The following EEA1 variants were observed in gnomAD, a reference collection of about 807,000 sequenced individuals.
EEA1 encodes the protein early endosome antigen 1, 162kD.
A neutral mutation model predicts 209.2 loss-of-function variants in EEA1; 111 were observed. The ratio of observed to expected loss-of-function variants is 0.53; its 90% CI spans 0.45 to 0.62. The LOEUF (loss-of-function observed/expected upper bound fraction) is 0.62. Ranked by LOEUF, EEA1 falls within the 20% of genes least tolerant of loss-of-function variation. EEA1 has a pLI of 0.00. For synonymous variants in EEA1, 536 were observed against 540.6 expected, an observed-to-expected ratio of 0.99 and a Z score of 0.12; for missense variants, 1,343 against 1,530.8, an observed-to-expected ratio of 0.88 and a Z score of 2.05.
intron 9 of EEA1, among the ~76,000 whole-genome samples, chr12:92,843,465 A>T (rs1191751823): frequency 3.3e-5 from 5 of 152,192 alleles, no homozygotes; most frequent in African/African-American, 7.2e-5. Flanking sequence ...TTAATATTTT[A>T]AAAAATGTGA....
intron 2 of EEA1, among the ~76,000 whole-genome samples, chr12:92,865,306 T>C (rs766570044): frequency 2.1e-4 from 32 of 151,996 alleles, no homozygotes; most frequent in Non-Finnish European, 4.4e-4. Flanking sequence ...TTTGCCATCA[T>C]ATCCTTCCTT....
At chr12:92,824,055 C>T (rs1876182863) in intron 13 of EEA1, among the ~76,000 whole-genome samples, 1 of 152,176 alleles carries the variant, frequency 6.6e-6, no homozygotes, top group African/African-American at 2.4e-5. Flanking sequence ...CTTCTTTATG[C>T]AAATCACCCT....
chr12:92,841,823 T>A (rs1394798043), intron 10 of EEA1, among the ~76,000 whole-genome samples: 1 of 152,154 alleles, frequency 6.6e-6, no homozygotes, highest in Non-Finnish European at 1.5e-5. Flanking sequence ...GTATGGCAGT[T>A]CCTCAAATAA....
rs35323066 is a variant in EEA1, at chr12:92,902,740, T to TAAA, written c.25-11022_25-11020dup. On this transcript the variant is annotated intron_variant, in intron 1 of 28. Coordinates refer to ENST00000322349, the MANE Select transcript of EEA1 (RefSeq NM_003566.4). ...TGGGCAACAGGGCGAAATTCTGTCTTAAAAAAAAAAAAAAAAAAGGCTGTA... is the reference window on the plus strand; with the variant it reads ...TGGGCAACAGGGCGAAATTCTGTCTTAAAAAAAAAAAAAAAAAAAAAGGCTGTA... Among the ~76,000 whole-genome samples the TAAA allele has an allele frequency of 1.5e-3, 191 of 125,078 alleles. 1 individual carries two copies. The highest frequency in any genetic ancestry group is 2.4e-3 in the Non-Finnish European group (143 of 60,696). The allele number at this position is 125,078 out of a possible 152,430, so 82.1% of individuals were successfully genotyped here. A position where few individuals can be genotyped will look rare whatever the true frequency, so the allele number is the denominator to read the frequency against.
intron 1 of EEA1, among the ~76,000 whole-genome samples, chr12:92,904,149 C>T (rs1454009407): frequency 1.3e-5 from 2 of 152,002 alleles, no homozygotes; most frequent in East Asian, 1.9e-4. Context: ...TTAGTAGAGA[C>T]GGGGTTTCTC....
chr12:92,914,303 G>A (rs1880685501), intron 1 of EEA1, among the ~76,000 whole-genome samples: 1 of 152,058 alleles, frequency 6.6e-6, no homozygotes, highest in African/African-American at 2.4e-5. Context: ...GTATAAGTAT[G>A]TGGCTTTATT....
chr12:92,866,816 C>T (rs73364403), intron 2 of EEA1, among the ~76,000 whole-genome samples: 2,576 of 152,296 alleles, frequency 0.017, 32 homozygotes, highest in East Asian at 0.04. Context: ...TTCTCATCAA[C>T]GCCCACCTTT....
intron 1 of EEA1, among the ~76,000 whole-genome samples, chr12:92,893,699 T>C (rs1314914753): frequency 6.6e-6 from 1 of 152,220 alleles, no homozygotes; most frequent in Non-Finnish European, 1.5e-5. Context: ...TAATGATTTC[T>C]GTAGCAAGAC....
At chr12:92,922,959 A>AAAAATAAAATAAAAT (rs77973737) in intron 1 of EEA1, among the ~76,000 whole-genome samples, 2,891 of 145,564 alleles carry the variant, frequency 0.02, 79 homozygotes, top group African/African-American at 0.061. Context: ...ACTCCACCTC[A>AAAAATAAAATAAAAT]AAAATAAAAT....
At chr12:92,926,375 A>G (rs1001000400) in intron 1 of EEA1, among the ~76,000 whole-genome samples, 2 of 152,202 alleles carry the variant, frequency 1.3e-5, no homozygotes, top group African/African-American at 4.8e-5. Context: ...TTATAGCTTA[A>G]TATCTGTGCT....
intron 4 of EEA1, 21 bp from the exon 5 acceptor site, chr12:92,857,361 T>C: frequency 6.4e-7 from 1 of 1,563,030 alleles, no homozygotes; most frequent in Non-Finnish European, 8.7e-7. Flanking sequence ...AGATTTTTAA[T>C]TAGTAAATTT....
At position 92,859,337 on chromosome 12, in the gene EEA1, G is replaced by C. The variant is rs532807609; in HGVS notation, c.246-1852C>G. 3.0e-5 allele frequency: 31 copies of C among 1,045,158 alleles called. No homozygotes were observed. In the African/African-American group the frequency reaches 3.5e-4, roughly 12 times the overall value. The allele number at this position is 1,045,158 out of a possible 1,614,324, so 64.7% of individuals were successfully genotyped here. On this transcript the variant is annotated intron_variant, in intron 3 of 28. Transcript: ENST00000322349. Reference sequence around the variant, plus strand: ...GGCAACAGAGAAGCCTTCAAGCTCTGAGGGAAAGGGCCTTCCTTCCTAAAT... The same window carrying C: ...GGCAACAGAGAAGCCTTCAAGCTCTCAGGGAAAGGGCCTTCCTTCCTAAAT...
chr12:92,801,583 C>CA lies in EEA1; in HGVS notation c.2772+16dup, dbSNP rs753782377. 3.9e-3 allele frequency: 5,394 copies of CA among 1,371,976 alleles called. No individual in the cohort carries two copies. The highest frequency in any genetic ancestry group is 5.4e-3 in the South Asian group (388 of 71,486). 85.0% of individuals were successfully genotyped at this position (1,371,976 alleles called of 1,614,324 possible). A position where few individuals can be genotyped will look rare whatever the true frequency, so the allele number is the denominator to read the frequency against. On this transcript the variant is annotated intron_variant, in intron 20 of 28. Transcript: ENST00000322349. ...ACTATACTTTACAGATTTTATGTTA[C>CA]AAAAAAAAAATCTTACCTCCTTCTC...
Position 92,788,058 on chromosome 12 carries a change from T to G in EEA1, c.2968-9A>C. The G allele has an allele frequency of 6.4e-7, 1 of 1,557,484 alleles. No individual in the cohort carries two copies. Among genetic ancestry groups the G allele is most frequent in the Non-Finnish European group, 8.6e-7 (1 of 1,156,788 alleles). On this transcript the variant is annotated splice_polypyrimidine_tract_variant and intron_variant, in intron 21 of 28. Coordinates refer to ENST00000322349, the MANE Select transcript of EEA1 (RefSeq NM_003566.4). ...TTATTCTCAAGCTCTGTCTGAAACA[T>G]ACAATAGTTATTTAAAACAGTATGC...
chr12:92,853,019 T>A lies in EEA1; in HGVS notation c.413A>T (p.Gln138Leu). ...GLVTDSSAEL[Q>L]SLEQQLEEAQ... Reference sequence around the variant, plus strand: ...TTCTTCTAATTGCTGTTCCAAAGACTGTAGTTCTACAAAAAAGTGTCGCAG... The same window carrying A: ...TTCTTCTAATTGCTGTTCCAAAGACAGTAGTTCTACAAAAAAGTGTCGCAG... The change falls in exon 7 of 29, where the codon CAG becomes CTG. Residue 138 changes from glutamine (Q) to leucine (L), a missense_variant. Transcript: ENST00000322349. 6.3e-7 allele frequency: 1 copy of A among 1,591,982 alleles called. No individual in the cohort carries two copies. The highest frequency in any genetic ancestry group is 8.6e-7 in the Non-Finnish European group (1 of 1,167,178).
intron 2 of EEA1, among the ~76,000 whole-genome samples, chr12:92,882,569 C>A (rs79981658): frequency 2.6e-5 from 4 of 151,132 alleles, no homozygotes; most frequent in African/African-American, 9.7e-5. Flanking sequence ...CTGCCCACCC[C>A]CTTCCCTTCT....
rs980393093 is a variant in EEA1, at chr12:92,774,961, G to C, written c.*1050C>G. On this transcript the variant is annotated 3_prime_UTR_variant, in exon 29 of 29. Coordinates refer to ENST00000322349, the MANE Select transcript of EEA1 (RefSeq NM_003566.4). Reference sequence around the variant, plus strand: ...CACCAATAAGACCACAGCAATATTAGTTACTAGCTTTAAGATGCAAAATTA... The same window carrying C: ...CACCAATAAGACCACAGCAATATTACTTACTAGCTTTAAGATGCAAAATTA... 2.0e-5 allele frequency: 3 copies of C among 151,630 alleles called. No individual in the cohort carries two copies. Among genetic ancestry groups the C allele is most frequent in the Non-Finnish European group, 3.0e-5 (2 of 67,676 alleles). The allele number at this position is 151,630 out of a possible 1,614,324, so 9.4% of individuals were successfully genotyped here.
At chr12:92,844,988 A>C (rs1877330374) in intron 9 of EEA1, among the ~76,000 whole-genome samples, 1 of 152,080 alleles carries the variant, frequency 6.6e-6, no homozygotes, top group South Asian at 2.1e-4. Context: ...TTATTAAATA[A>C]GGAAAATGTA....
chr12:92,800,237 TAC>T (rs1220948105), intron 20 of EEA1, among the ~76,000 whole-genome samples: 2 of 152,064 alleles, frequency 1.3e-5, no homozygotes, highest in Non-Finnish European at 2.9e-5. Flanking sequence ...ATAATAATAA[TAC>T]ACTGTAGAAT....
Sources: allele counts gnomAD v4.1 joint callset (sites outside exome capture counted in the v4.1 genomes callset), GRCh38; gene constraint gnomAD v4.1.1; transcripts MANE v1.5; gene names NCBI Gene and HGNC (gene_info 2026-07-23, HGNC 2026-07-21).